SNX30: variants seen among roughly 807,000 people sequenced by gnomAD.
SNX30 encodes sorting nexin family member 30, also known as sorting nexin-30.
In SNX30, 24 loss-of-function variants were observed where a neutral mutation model predicts 46.4. That is an observed-to-expected ratio of 0.52 (90% confidence interval 0.37 to 0.73). The LOEUF is 0.73. Ranked by LOEUF, SNX30 falls within the 30% of genes least tolerant of loss-of-function variation. The pLI, the probability that SNX30 is intolerant of heterozygous loss-of-function variation, is 0.00. For synonymous variants in SNX30, 189 were observed against 211.5 expected, an observed-to-expected ratio of 0.89 and a Z score of 0.92; for missense variants, 533 against 555.7, an observed-to-expected ratio of 0.96 and a Z score of 0.41.
intron 1 of SNX30, among the ~76,000 whole-genome samples, chr9:112,793,752 G>C (rs553120903): frequency 2.6e-4 from 39 of 150,992 alleles, no homozygotes; most frequent in African/African-American, 9.2e-4. Flanking sequence ...TTCCAGTATT[G>C]ATATGACTCC....
intron 3 of SNX30, among the ~76,000 whole-genome samples, chr9:112,824,270 T>C (rs904182817): frequency 3.3e-5 from 5 of 152,258 alleles, no homozygotes; most frequent in Non-Finnish European, 5.9e-5. Context: ...TACTATCTAA[T>C]ATCAGTATTT....
chr9:112,774,914 G>A (rs1236184741), intron 1 of SNX30, among the ~76,000 whole-genome samples: 6 of 145,312 alleles, frequency 4.1e-5, no homozygotes, highest in Admixed American at 1.4e-4. Flanking sequence ...GCGCCGTCTC[G>A]ACTCACTGCA....
intron 3 of SNX30, among the ~76,000 whole-genome samples, chr9:112,818,805 G>GT (rs1840445861): frequency 6.6e-6 from 1 of 152,170 alleles, no homozygotes; most frequent in Admixed American, 6.5e-5. Context: ...AGTTTTCTCA[G>GT]TTTTCAGGGT....
chr9:112,827,997 C>A (rs770174091), intron 3 of SNX30, among the ~76,000 whole-genome samples: 5 of 152,154 alleles, frequency 3.3e-5, no homozygotes, highest in Non-Finnish European at 7.3e-5. Context: ...AGCTGAAAAC[C>A]ATTCACATGA....
At chr9:112,771,780 C>T (rs1839652917) in intron 1 of SNX30, among the ~76,000 whole-genome samples, 1 of 152,182 alleles carries the variant, frequency 6.6e-6, no homozygotes, top group Admixed American at 6.5e-5. Context: ...ATTTTCATAA[C>T]TGCTCAAAAC....
At chr9:112,788,414 A>G (rs578211302) in intron 1 of SNX30, among the ~76,000 whole-genome samples, 3 of 152,174 alleles carry the variant, frequency 2.0e-5, no homozygotes, top group Non-Finnish European at 4.4e-5. Flanking sequence ...TGTCAATGAG[A>G]ACCAGGCTTT....
intron 4 of SNX30, among the ~76,000 whole-genome samples, chr9:112,831,167 G>T (rs555030588): frequency 6.7e-6 from 1 of 148,470 alleles, no homozygotes; most frequent in South Asian, 2.1e-4. Context: ...AAGCGGTTTT[G>T]ATCTTTCAGA....
chr9:112,831,161 G>A (rs945573313), intron 4 of SNX30, among the ~76,000 whole-genome samples: 2 of 149,066 alleles, frequency 1.3e-5, no homozygotes, highest in African/African-American at 2.5e-5. Context: ...AAAAAAAAGC[G>A]GTTTTGATCT....
intron 1 of SNX30, among the ~76,000 whole-genome samples, chr9:112,767,147 A>G (rs1191213692): frequency 1.4e-5 from 2 of 143,046 alleles, no homozygotes; most frequent in Non-Finnish European, 3.0e-5. Flanking sequence ...GATAGTAGTT[A>G]TTCTAGAAAG....
intron 1 of SNX30, among the ~76,000 whole-genome samples, chr9:112,797,267 A>G (rs1840121378): frequency 6.6e-6 from 1 of 152,188 alleles, no homozygotes; most frequent in Non-Finnish European, 1.5e-5. Context: ...TAAAAAATCT[A>G]TCTTTCCCTT....
chr9:112,785,265 G>A (rs762787166), intron 1 of SNX30, among the ~76,000 whole-genome samples: 1 of 152,056 alleles, frequency 6.6e-6, no homozygotes, highest in Non-Finnish European at 1.5e-5. Flanking sequence ...ACCCAGGGTG[G>A]AGTATGGTAG....
intron 1 of SNX30, among the ~76,000 whole-genome samples, chr9:112,760,897 C>T (rs904735793): frequency 6.6e-5 from 10 of 152,110 alleles, no homozygotes; most frequent in East Asian, 3.9e-4. Flanking sequence ...TCACCAGGTC[C>T]GTGAAGTTGG....
chr9:112,824,138 C>T (rs1230289364), intron 3 of SNX30, among the ~76,000 whole-genome samples: 1 of 152,122 alleles, frequency 6.6e-6, no homozygotes, highest in Non-Finnish European at 1.5e-5. Context: ...TCTAGATTTC[C>T]TACCCAGAAA....
intron 1 of SNX30, among the ~76,000 whole-genome samples, chr9:112,782,893 G>T (rs1039765597): frequency 6.6e-6 from 1 of 152,214 alleles, no homozygotes; most frequent in Non-Finnish European, 1.5e-5. Flanking sequence ...CACTGGTGGG[G>T]CCTCGTTTTA....
chr9:112,849,000 C>CA (rs1840983001), intron 6 of SNX30, among the ~76,000 whole-genome samples: 2 of 152,216 alleles, frequency 1.3e-5, no homozygotes, highest in South Asian at 4.1e-4. Context: ...GCCACACTGA[C>CA]AGAGTGTGTG....
At chr9:112,839,108 A>C (rs1398647436) in intron 6 of SNX30, among the ~76,000 whole-genome samples, 1 of 152,232 alleles carries the variant, frequency 6.6e-6, no homozygotes, top group African/African-American at 2.4e-5. Flanking sequence ...AATAGAACAA[A>C]AATGCAAAAG....
intron 6 of SNX30, among the ~76,000 whole-genome samples, chr9:112,839,870 C>T (rs1005652421): frequency 1.3e-5 from 2 of 152,068 alleles, no homozygotes; most frequent in African/African-American, 4.8e-5. Context: ...CCAGAAAGAT[C>T]GTAGATCCAG....
chr9:112,868,560 G>A (rs1291625285), intron 8 of SNX30, among the ~76,000 whole-genome samples: 1 of 152,188 alleles, frequency 6.6e-6, no homozygotes, highest in African/African-American at 2.4e-5. Flanking sequence ...ATGCATTTAA[G>A]CCTTGCAGAG....
At chr9:112,832,859 A>C (rs1037136827) in intron 4 of SNX30, among the ~76,000 whole-genome samples, 3 of 143,622 alleles carry the variant, frequency 2.1e-5, no homozygotes, top group African/African-American at 5.0e-5. Context: ...ATATATAATA[A>C]ATATAATATA....
Sources: allele counts gnomAD v4.1 joint callset (sites outside exome capture counted in the v4.1 genomes callset), GRCh38; gene constraint gnomAD v4.1.1; transcripts MANE v1.5; gene names NCBI Gene and HGNC (gene_info 2026-07-23, HGNC 2026-07-21).